The following TRAPPC10 variants were observed in gnomAD, a reference collection of about 807,000 sequenced individuals.
The protein encoded by TRAPPC10 is TRAPP 130 kDa subunit.
A neutral mutation model predicts 125.5 loss-of-function variants in TRAPPC10; 23 were observed. That is an observed-to-expected ratio of 0.18 (90% confidence interval 0.13 to 0.26). The LOEUF is 0.26. Ranked by LOEUF, TRAPPC10 falls within the 10% of genes least tolerant of loss-of-function variation. The pLI is 1.00. For synonymous variants in TRAPPC10, 509 were observed against 518.0 expected (o/e 0.98, Z 0.24); for missense variants, 1,123 against 1,308.4 (o/e 0.86, Z 2.19).
rs1290453343 is a variant in TRAPPC10, at chr21:44,084,280, G to C, written c.2380+17G>C. The C allele has an allele frequency of 1.2e-6, 2 of 1,611,330 alleles. No homozygotes were observed. The highest frequency in any genetic ancestry group is 3.4e-5 in the Admixed American group (2 of 59,682). On this transcript the variant is annotated intron_variant, in intron 15 of 22. Transcript: ENST00000291574. Reference sequence around the variant, plus strand: ...CGCTGGCTGGTGAGTGGGGTCCCCAGCCTTTGAGGAGGCGTGCTGCTGGGG... The same window carrying C: ...CGCTGGCTGGTGAGTGGGGTCCCCACCCTTTGAGGAGGCGTGCTGCTGGGG...
At position 44,012,336 on chromosome 21, in the gene TRAPPC10, C is replaced by G. The variant is rs1569129493; in HGVS notation, c.-158C>G. ...CGCCGAGGCCGGAAGTGGCTGAGGC[C>G]GGCAGCAGCGGGCGGCAGCTGCGGC... On this transcript the variant is annotated 5_prime_UTR_variant, in exon 1 of 23. Transcript: ENST00000291574. 1 of 206,206 alleles carries G rather than the reference C, an allele frequency of 4.8e-6. No individual in the cohort carries two copies. The highest frequency in any genetic ancestry group is 2.4e-5 in the African/African-American group (1 of 42,202). The allele number at this position is 206,206 out of a possible 1,614,324, so 12.8% of individuals were successfully genotyped here. A position where few individuals can be genotyped will look rare whatever the true frequency, so the allele number is the denominator to read the frequency against.
rs547230832 is a variant in TRAPPC10 at position 44,063,184 on chromosome 21, C to T, written c.791-354C>T. The T allele has an allele frequency of 7.0e-6, 9 of 1,287,612 alleles. No individual in the cohort carries two copies. The South Asian group carries it at 1.2e-4, about 17-fold the overall frequency. 79.8% of individuals were successfully genotyped at this position (1,287,612 alleles called of 1,614,324 possible). The stretch of plus-strand genomic sequence containing the variant: ...CAGCCCACAGGTAAAGATAAGGAAG[C>T]CCAGCCCCGCTGCAGCCTAAGACTA... On this transcript the variant is annotated intron_variant, in intron 6 of 22. Coordinates refer to ENST00000291574, the MANE Select transcript of TRAPPC10 (RefSeq NM_003274.5). This position sits in a 1 kb window ranked among gnomAD's most constrained non-coding sequence, Gnocchi z 4.4.
chr21:44,069,505 G>A (rs2036697940), intron 7 of TRAPPC10, among the ~76,000 whole-genome samples: 1 of 152,184 alleles, frequency 6.6e-6, no homozygotes, highest in South Asian at 2.1e-4. Flanking sequence ...CTTTCCTCGG[G>A]TATCAGTGGG....
At chr21:44,056,010 G>A in intron 5 of TRAPPC10, 117 bp downstream of exon 5, 1 of 950,294 alleles carries the variant, frequency 1.1e-6, no homozygotes, top group Non-Finnish European at 1.5e-6. Context: ...CATTGGCAGA[G>A]TTTTTAAAAA....
At chr21:44,064,422 C>T (rs1051561990) in intron 7 of TRAPPC10, among the ~76,000 whole-genome samples, 41 of 152,014 alleles carry the variant, frequency 2.7e-4, no homozygotes, top group South Asian at 2.1e-4. Flanking sequence ...CATAGAACCA[C>T]GGACATTGTA....
At chr21:44,024,371 A>G (rs2032855878) in intron 1 of TRAPPC10, among the ~76,000 whole-genome samples, 1 of 152,176 alleles carries the variant, frequency 6.6e-6, no homozygotes, top group Admixed American at 6.5e-5. Context: ...GAGAATGAGC[A>G]TTTCTAACAA....
At position 44,077,686 on chromosome 21, in the gene TRAPPC10, C is replaced by T; in HGVS notation, c.1378-7C>T. 1 of 1,589,736 alleles carries T rather than the reference C, an allele frequency of 6.3e-7. No individual in the cohort carries two copies. Among genetic ancestry groups the T allele is most frequent in the Non-Finnish European group, 8.6e-7 (1 of 1,163,956 alleles). On this transcript the variant is annotated splice_polypyrimidine_tract_variant and splice_region_variant and intron_variant, in intron 10 of 22. Coordinates refer to ENST00000291574, the MANE Select transcript of TRAPPC10 (RefSeq NM_003274.5). The stretch of plus-strand genomic sequence containing the variant: ...AAGTACATAATTGTGTTTTTACTTC[C>T]CCACAGGATTTGTCCCATGCCACCA...
intron 1 of TRAPPC10, 63 bp from the exon 2 acceptor site, chr21:44,032,028 A>T: frequency 7.5e-7 from 1 of 1,341,318 alleles, no homozygotes; most frequent in Non-Finnish European, 1.1e-6. Flanking sequence ...ATTAAGCTCT[A>T]GAGCCATTTT....
chr21:44,093,094 G>A (rs980869583), intron 19 of TRAPPC10, among the ~76,000 whole-genome samples: 13 of 152,294 alleles, frequency 8.5e-5, no homozygotes, highest in African/African-American at 3.1e-4. Flanking sequence ...ACCACCTCTA[G>A]CCAAGATGTA....
In TRAPPC10 at chr21:44,063,873, T is replaced by C. The variant is rs1280132903; in HGVS notation, c.1038+88T>C. 1 of 1,507,256 alleles carries C rather than the reference T, an allele frequency of 6.6e-7. No homozygotes were observed. Among genetic ancestry groups the C allele is most frequent in the Admixed American group, 2.2e-5 (1 of 45,060 alleles). The allele number at this position is 1,507,256 out of a possible 1,614,324, so 93.4% of individuals were successfully genotyped here. A position where few individuals can be genotyped will look rare whatever the true frequency, so the allele number is the denominator to read the frequency against. On this transcript the variant is annotated intron_variant, in intron 7 of 22. Coordinates refer to ENST00000291574, the MANE Select transcript of TRAPPC10 (RefSeq NM_003274.5). The surrounding 1 kb of genome is among the most constrained non-coding windows in gnomAD (Gnocchi z 4.4). ...TTGAGATCCCAGGCATTGAACTGTT[T>C]GTGCTTAAGAAAGGGTTTTCTTTTC...
chr21:44,012,653 G>C, intron 1 of TRAPPC10, 93 bp downstream of exon 1: 2 of 1,164,578 alleles, frequency 1.7e-6, no homozygotes, highest in Non-Finnish European at 2.4e-6. Context: ...TTCAGCCCCC[G>C]GCGCGCTCCG....
intron 7 of TRAPPC10, among the ~76,000 whole-genome samples, chr21:44,071,685 T>C (rs2036880073): frequency 6.6e-6 from 1 of 152,190 alleles, no homozygotes; most frequent in Non-Finnish European, 1.5e-5. Flanking sequence ...CATGCATGTC[T>C]TTTTTTCCCC....
At position 44,059,279 on chromosome 21, in the gene TRAPPC10, C is replaced by A; in HGVS notation, c.790+65C>A. 1 of 1,179,864 alleles carries A rather than the reference C, an allele frequency of 8.5e-7. No homozygotes were observed. Among genetic ancestry groups the A allele is most frequent in the Non-Finnish European group, 1.2e-6 (1 of 822,894 alleles). The allele number at this position is 1,179,864 out of a possible 1,614,324, so 73.1% of individuals were successfully genotyped here. ...GTGGCTTTCTCCAACTTCAGATAGG[C>A]TTGAAGCAGCCATTTATTTACCTCA... On this transcript the variant is annotated intron_variant, in intron 6 of 22. Transcript: ENST00000291574. This position sits in a 1 kb window ranked among gnomAD's most constrained non-coding sequence, Gnocchi z 4.4.
intron 1 of TRAPPC10, among the ~76,000 whole-genome samples, chr21:44,023,645 A>G (rs949445600): frequency 6.6e-6 from 1 of 152,210 alleles, no homozygotes; most frequent in Admixed American, 6.5e-5. Context: ...ATTGCCAAGG[A>G]GCCCTGATTC....
At chr21:44,056,027 A>G (rs2035561891) in intron 5 of TRAPPC10, 134 bp downstream of exon 5, 2 of 733,486 alleles carry the variant, frequency 2.7e-6, no homozygotes, top group Non-Finnish European at 4.2e-6. Flanking sequence ...AAAACAAAAA[A>G]CCTGGAATAT....
intron 3 of TRAPPC10, among the ~76,000 whole-genome samples, chr21:44,040,745 C>T (rs1002134432): frequency 2.0e-5 from 3 of 151,242 alleles, no homozygotes; most frequent in Admixed American, 1.3e-4. Context: ...ACCTCAGCCT[C>T]CCAAGTAGCT....
At chr21:44,083,334 A>G (rs2146115224) in intron 14 of TRAPPC10, 32 bp downstream of exon 14, 1 of 1,597,936 alleles carries the variant, frequency 6.3e-7, no homozygotes. Flanking sequence ...TTGACTTTCA[A>G]GTTTGTAAAG....
chr21:44,047,565 T>TGTGTGTGTGCGC (rs954810521), intron 3 of TRAPPC10, among the ~76,000 whole-genome samples: 34 of 147,198 alleles, frequency 2.3e-4, no homozygotes, highest in African/African-American at 8.3e-4. Context: ...TGTGTGTGTG[T>TGTGTGTGTGCGC]GCGCGCACAC....
chr21:44,037,655 T>C (rs2034087052), intron 2 of TRAPPC10, 137 bp from the exon 3 acceptor site: 4 of 966,454 alleles, frequency 4.1e-6, no homozygotes, highest in East Asian at 2.4e-5. Flanking sequence ...CTGAGCAGAA[T>C]AGCGTAGTTA....
Sources: allele counts gnomAD v4.1 joint callset (sites outside exome capture counted in the v4.1 genomes callset), GRCh38; gene constraint gnomAD v4.1.1; non-coding constraint Gnocchi (gnomAD v3.1); transcripts MANE v1.5; gene names NCBI Gene and HGNC (gene_info 2026-07-23, HGNC 2026-07-21).